GPHN: variants seen among roughly 807,000 people sequenced by gnomAD.
GPHN encodes gephyrin.
In GPHN, 17 loss-of-function variants were observed where a neutral mutation model predicts 95.5. The observed-to-expected ratio is 0.18, with a 90% confidence interval of 0.12 to 0.27. The LOEUF is 0.27. GPHN is among the 10% of genes least tolerant of loss of function. GPHN has a pLI of 1.00. For missense variants in GPHN, 660 were observed against 978.1 expected, an observed-to-expected ratio of 0.67 and a Z score of 4.34; for synonymous variants, 320 against 322.5, an observed-to-expected ratio of 0.99 and a Z score of 0.08.
chr14:66,632,299 T>G (rs1377064372), intron 1 of GPHN, among the ~76,000 whole-genome samples: 1 of 152,156 alleles, frequency 6.6e-6, no homozygotes, highest in African/African-American at 2.4e-5. Flanking sequence ...ACACCTTTCT[T>G]CTCTAAACCC....
the GPHN span, chr14:67,695,742 G>C: frequency 6.3e-7 from 1 of 1,595,600 alleles, no homozygotes; most frequent in Admixed American, 1.7e-5. Context: ...GGATGCTCCA[G>C]CGTTGCTCGC....
At chr14:67,592,520 A>C in the GPHN span, 8 of 635,680 alleles carry the variant, frequency 1.3e-5, no homozygotes, top group Non-Finnish European at 1.7e-5. Flanking sequence ...TGAAATCCTA[A>C]TTATCACTCA....
At chr14:67,333,023 G>A in the GPHN span, 42 of 1,368,430 alleles carry the variant, frequency 3.1e-5, no homozygotes, top group African/African-American at 4.7e-4. Flanking sequence ...AGGACTGCCC[G>A]ACACTGCAGC....
chr14:67,525,586 C>T, the GPHN span, among the ~76,000 whole-genome samples: 1 of 152,208 alleles, frequency 6.6e-6, no homozygotes, highest in African/African-American at 2.4e-5. Flanking sequence ...AGAATCACAA[C>T]ATGCCATGTC....
chr14:66,820,836 G>A (rs2061163147), intron 3 of GPHN, among the ~76,000 whole-genome samples: 1 of 152,054 alleles, frequency 6.6e-6, no homozygotes. Flanking sequence ...TTTTCCTCTA[G>A]TTTTTACTCT....
chr14:67,139,631 T>C (rs2080329712), intron 17 of GPHN, among the ~76,000 whole-genome samples: 1 of 152,178 alleles, frequency 6.6e-6, no homozygotes. Flanking sequence ...AGCATAGTAA[T>C]ACCTTTTCAG....
chr14:67,328,032 G>C, the GPHN span, among the ~76,000 whole-genome samples: 2 of 152,140 alleles, frequency 1.3e-5, 1 homozygote, highest in South Asian at 4.1e-4. Flanking sequence ...GGTATTTCTA[G>C]TTCTAGATCC....
chr14:67,402,295 G>T, the GPHN span, among the ~76,000 whole-genome samples: 1 of 151,846 alleles, frequency 6.6e-6, no homozygotes, highest in South Asian at 2.1e-4. Flanking sequence ...TTTAATTTTT[G>T]TGGGTACATA....
chr14:67,205,608 G>A, the GPHN span, among the ~76,000 whole-genome samples: 1 of 152,218 alleles, frequency 6.6e-6, no homozygotes, highest in South Asian at 2.1e-4. Context: ...AGGCCAGAGA[G>A]TGGAAAAACA....
At chr14:67,616,061 G>GGAGGAGGAAAATGAA in the GPHN span, 1 of 299,314 alleles carries the variant, frequency 3.3e-6, no homozygotes, top group Admixed American at 3.8e-5. Flanking sequence ...GAGAGAATGA[G>GGAGGAGGAAAATGAA]GAGGAGGAAA....
the GPHN span, chr14:67,573,951 G>A: frequency 8.4e-7 from 1 of 1,196,882 alleles, no homozygotes; most frequent in Non-Finnish European, 1.2e-6. This position sits in a 1 kb window ranked among gnomAD's most constrained non-coding sequence, Gnocchi z 4.8. Flanking sequence ...ATATGGCCGT[G>A]AGTGAGACAA....
chr14:67,302,801 G>C, the GPHN span, among the ~76,000 whole-genome samples: 2,406 of 151,420 alleles, frequency 0.016, 67 homozygotes, highest in African/African-American at 0.054. Flanking sequence ...TATTTTTCTG[G>C]AATCAGTAAT....
intron 2 of GPHN, among the ~76,000 whole-genome samples, chr14:66,695,204 T>C (rs1230055506): frequency 6.6e-6 from 1 of 151,868 alleles, no homozygotes; most frequent in Non-Finnish European, 1.5e-5. Flanking sequence ...TAAACTCTAT[T>C]GAAAAGTGGG....
the GPHN span, among the ~76,000 whole-genome samples, chr14:67,355,758 T>C: frequency 6.6e-6 from 1 of 151,658 alleles, no homozygotes; most frequent in Non-Finnish European, 1.5e-5. Context: ...ATCAGCACTT[T>C]GGGAGGCTAA....
the GPHN span, chr14:67,201,351 T>C: frequency 2.5e-6 from 1 of 407,460 alleles, no homozygotes; most frequent in Admixed American, 3.3e-5. Context: ...TTATCTCAAA[T>C]AGAGTGAAAG....
rs1413238886 is a variant in GPHN, at chr14:67,163,656, T to C, written c.1911-1506T>C. Among the ~76,000 whole-genome samples the C allele has an allele frequency of 2.6e-5, 4 of 152,218 alleles. No homozygotes were observed. The South Asian group carries it at 6.2e-4, about 24-fold the overall frequency. The stretch of plus-strand genomic sequence containing the variant: ...AAAGAAGTCAGTGTCACTGTATTAT[T>C]GCAAAAGGTAAAGAGTGAGAGATCT... On this transcript the variant is annotated intron_variant, in intron 19 of 22. Transcript: ENST00000478722.
the GPHN span, among the ~76,000 whole-genome samples, chr14:67,732,298 C>T: frequency 3.3e-5 from 5 of 151,088 alleles, no homozygotes; most frequent in Non-Finnish European, 5.9e-5. Context: ...ATTAGCCCAG[C>T]ATTGTGGTGC....
At chr14:66,565,810 TTTTATC>T (rs1438145182) in intron 1 of GPHN, among the ~76,000 whole-genome samples, 2 of 152,176 alleles carry the variant, frequency 1.3e-5, no homozygotes, top group Admixed American at 1.3e-4. Flanking sequence ...CTTTTTGCAA[TTTTATC>T]TTTGTCATTT....
rs770548131 is a variant in GPHN at position 66,508,147 on chromosome 14, C to T, written c.-381C>T. On this transcript the variant is annotated 5_prime_UTR_variant, in exon 1 of 23. Transcript: ENST00000478722. ...CCGCAACCTCCAGAGCGTGTGCTAT[C>T]CTTTCCTCTCAGTCCTGCCATCTAG... 1.9e-4 allele frequency: 86 copies of T among 451,660 alleles called. No individual in the cohort carries two copies. The highest frequency in any genetic ancestry group is 2.9e-4 in the Non-Finnish European group (71 of 243,652). The allele number at this position is 451,660 out of a possible 1,614,324, so 28.0% of individuals were successfully genotyped here.
Sources: gnomAD v4.1 joint callset for allele counts (sites outside exome capture counted in the v4.1 genomes callset) on GRCh38, gnomAD v4.1.1 for gene constraint, Gnocchi (gnomAD v3.1) non-coding constraint, MANE v1.5 for transcripts, NCBI Gene and HGNC (gene_info 2026-07-23, HGNC 2026-07-21) for gene names.